CBR4: variants seen among roughly 807,000 people sequenced by gnomAD.
The protein encoded by CBR4 is 3-oxoacyl-[acyl-carrier-protein] reductase.
A neutral mutation model predicts 21.0 loss-of-function variants in CBR4; 22 were observed. The observed-to-expected ratio is 1.05, with a 90% CI of 0.75 to 1.50. The LOEUF (loss-of-function observed/expected upper bound fraction) is 1.50. Ranked by LOEUF, CBR4 falls within the 40% of genes most tolerant of loss-of-function variation. The pLI is 0.00. For synonymous variants in CBR4, 100 were observed against 104.4 expected (o/e 0.96, Z 0.26); for missense variants, 302 against 286.3 (o/e 1.05, Z -0.40).
chr4:168,955,385 A>G (rs1055041397), intron 2 of CBR4, among the ~76,000 whole-genome samples: 2 of 152,246 alleles, frequency 1.3e-5, no homozygotes, highest in Non-Finnish European at 2.9e-5. Flanking sequence ...TATAACTGAT[A>G]AATAGAAAAG....
chr4:169,009,117 CT>C (rs954842967), intron 1 of CBR4: 3 of 436,660 alleles, frequency 6.9e-6, no homozygotes, highest in African/African-American at 4.2e-5. Context: ...AGACGCACCC[CT>C]AGGCCTCTAT....
Position 168,993,989 on chromosome 4 carries a change from C to T in CBR4, c.536-3661G>A, listed in dbSNP as rs148024941. Among the ~76,000 whole-genome samples the T allele has an allele frequency of 4.4e-3, 673 of 152,198 alleles. 7 individuals carry two copies. The highest frequency in any genetic ancestry group is 0.015 in the African/African-American group (641 of 41,510). On this transcript the variant is annotated intron_variant, in intron 4 of 4. Transcript: ENST00000306193. ...GAAAAGTCACGTGCTAAGACCAGCT[C>T]GGTCACGGAGACCTTAACACAGCAG... is the stretch of plus-strand genomic sequence containing the variant.
At chr4:168,916,660 T>A (rs551007439) in intron 2 of CBR4, among the ~76,000 whole-genome samples, 179 of 151,422 alleles carry the variant, frequency 1.2e-3, no homozygotes, top group South Asian at 2.1e-3. Context: ...CTACTCTGAC[T>A]TTTATTCCTC....
intron 2 of CBR4, among the ~76,000 whole-genome samples, chr4:168,901,682 A>G (rs1756547531): frequency 6.6e-6 from 1 of 151,934 alleles, no homozygotes; most frequent in Non-Finnish European, 1.5e-5. Context: ...ATATTGTGAA[A>G]CCCCATCTCT....
At chr4:168,995,532 G>C (rs1158861140) in intron 4 of CBR4, among the ~76,000 whole-genome samples, 19 of 152,030 alleles carry the variant, frequency 1.2e-4, no homozygotes, top group African/African-American at 4.6e-4. Flanking sequence ...GACATGGGCT[G>C]ACATCCTTCT....
rs1166361807 is a variant in CBR4 at position 169,009,966 on chromosome 4, C to T, written c.124G>A (p.Ala42Thr). The T allele has an allele frequency of 1.2e-6, 2 of 1,612,072 alleles. No individual in the cohort carries two copies. Among genetic ancestry groups the T allele is most frequent in the Non-Finnish European group, 8.5e-7 (1 of 1,179,358 alleles). Residue 42 changes from alanine (A) to threonine (T), a missense_variant, in exon 1 of 5, where the codon GCC (alanine) becomes ACC (threonine). Transcript: ENST00000306193. Reference protein sequence around the residue: ...IARNLEGAKAAAGDLGGDHLA... With the variant: ...IARNLEGAKATAGDLGGDHLA... ...TACCTACCGCCGAGGTCACCGGCGG[C>T]GGCTTTGGCCCCTTCCAGGTTTCTG...
intron 2 of CBR4, among the ~76,000 whole-genome samples, chr4:168,980,417 G>A (rs113837401): frequency 1.1e-3 from 160 of 152,226 alleles, no homozygotes; most frequent in African/African-American, 3.4e-3. Flanking sequence ...CTAATATACC[G>A]CCTATGAAAA....
In CBR4 at chr4:168,921,663, C is replaced by T. The variant is rs151071844; in HGVS notation, n.170-26898G>A. The T allele has an allele frequency of 5.4e-5, 87 of 1,610,468 alleles. No homozygotes were observed. Among genetic ancestry groups the T allele is most frequent in the Non-Finnish European group, 6.6e-5 (78 of 1,179,440 alleles). ...TCTGATCATAGAGCCAGTCACGTCA[C>T]GTGATGCCGGCATCTACACATGTAT... On this transcript the variant is annotated intron_variant and non_coding_transcript_variant, in intron 2 of 3. Coordinates refer to the CBR4 transcript ENST00000509108.
intron 2 of CBR4, among the ~76,000 whole-genome samples, chr4:168,913,348 A>G (rs1045595681): frequency 6.6e-6 from 1 of 152,110 alleles, no homozygotes; most frequent in Non-Finnish European, 1.5e-5. Flanking sequence ...CATATTGGCC[A>G]GGCTGGGCTC....
At chr4:168,916,693 T>TTG (rs1312528899) in intron 2 of CBR4, among the ~76,000 whole-genome samples, 12 of 150,792 alleles carry the variant, frequency 8.0e-5, no homozygotes, top group Non-Finnish European at 1.5e-4. Flanking sequence ...TCTTTTTTTT[T>TTG]TTTTTTGAGA....
intron 2 of CBR4, among the ~76,000 whole-genome samples, chr4:168,972,272 C>T (rs1369783220): frequency 6.6e-6 from 1 of 152,038 alleles, no homozygotes; most frequent in Non-Finnish European, 1.5e-5. Context: ...GGCTCTTTTT[C>T]GGTTCCACAT....
chr4:168,948,250 C>T (rs1410519740), intron 2 of CBR4, among the ~76,000 whole-genome samples: 9 of 151,808 alleles, frequency 5.9e-5, no homozygotes, highest in Non-Finnish European at 1.3e-4. Flanking sequence ...AATGAGTTCA[C>T]TGTAGATTCT....
chr4:168,898,781 G>A, intron 2 of CBR4: 1 of 965,696 alleles, frequency 1.0e-6, no homozygotes, highest in African/African-American at 1.6e-5. Context: ...CCAAAACATA[G>A]CATGCCAGTA....
In CBR4 at chr4:169,010,207, C is replaced by A. The variant is rs1475922106; in HGVS notation, c.-118G>T. ...AAAAAAAAGAAAAAAAAAGGCAAAC[C>A]GCAAAAAAAAATAACGCCGCTCGAC... On this transcript the variant is annotated 5_prime_UTR_variant, in exon 1 of 5. Transcript: ENST00000306193. 5 of 952,400 alleles carry A rather than the reference C, an allele frequency of 5.2e-6. No homozygotes were observed. Among genetic ancestry groups the A allele is most frequent in the Non-Finnish European group, 7.5e-6 (5 of 670,504 alleles). The allele number at this position is 952,400 out of a possible 1,614,324, so 59.0% of individuals were successfully genotyped here. A position where few individuals can be genotyped will look rare whatever the true frequency, so the allele number is the denominator to read the frequency against.
chr4:168,908,577 T>G (rs141338791), intron 2 of CBR4, among the ~76,000 whole-genome samples: 47 of 152,272 alleles, frequency 3.1e-4, no homozygotes, highest in African/African-American at 1.1e-3. Flanking sequence ...AAAACTGAAG[T>G]TGACTCCTTA....
chr4:168,995,674 T>C (rs1765161043), intron 4 of CBR4, among the ~76,000 whole-genome samples: 2 of 152,110 alleles, frequency 1.3e-5, no homozygotes, highest in Admixed American at 6.5e-5. Flanking sequence ...TAGGTATACA[T>C]TTACAATGCC....
intron 2 of CBR4, among the ~76,000 whole-genome samples, chr4:168,953,012 G>A (rs1296220396): frequency 6.6e-6 from 1 of 152,194 alleles, no homozygotes; most frequent in East Asian, 1.9e-4. Flanking sequence ...CAGTTACTAG[G>A]GCGGGTAGAG....
At chr4:169,001,902 A>G (rs1730475366) in intron 4 of CBR4, 169 bp downstream of exon 4, 1 of 513,784 alleles carries the variant, frequency 1.9e-6, no homozygotes, top group South Asian at 3.5e-5. Context: ...CTTTATATAG[A>G]ATATGAGGTA....
In CBR4 at chr4:168,990,263, C is replaced by G; in HGVS notation, c.601G>C (p.Gly201Arg). ...ACCTCAATAGTTTCTCCAAACCTCCCAAGAGGAATATTTTTCTTTAAATGT... is the reference window on the plus strand; with the variant it reads ...ACCTCAATAGTTTCTCCAAACCTCCGAAGAGGAATATTTTTCTTTAAATGT... Reference protein sequence around the residue: ...EEHLKKNIPLGRFGETIEVAH... With the variant: ...EEHLKKNIPLRRFGETIEVAH... The change falls in exon 5 of 5, where the codon GGG (glycine) becomes CGG (arginine). Residue 201 changes from glycine (G) to arginine (R), a missense_variant. Physicochemically the swap from Gly to Arg is moderately radical, Grantham distance 125. Coordinates refer to ENST00000306193, the MANE Select transcript of CBR4 (RefSeq NM_032783.5). 6.2e-7 allele frequency: 1 copy of G among 1,613,074 alleles called. No homozygotes were observed.
Sources: allele counts gnomAD v4.1 joint callset (sites outside exome capture counted in the v4.1 genomes callset), GRCh38; gene constraint gnomAD v4.1.1; transcripts MANE v1.5; gene names NCBI Gene and HGNC (gene_info 2026-07-23, HGNC 2026-07-21).